FAF2: variants seen among roughly 807,000 people sequenced by gnomAD.
The protein encoded by FAF2 is FAS-associated factor 2.
In FAF2, 9 loss-of-function variants were observed where a neutral mutation model predicts 62.3. That is an observed-to-expected ratio of 0.14 (90% CI 0.09 to 0.25). The LOEUF (loss-of-function observed/expected upper bound fraction) is 0.25. Ranked by LOEUF, FAF2 falls within the 10% of genes least tolerant of loss-of-function variation. FAF2 has a pLI of 1.00. For missense variants in FAF2, 368 were observed against 556.2 expected, an observed-to-expected ratio of 0.66 and a Z score of 3.40; for synonymous variants, 202 against 198.0, an observed-to-expected ratio of 1.02 and a Z score of -0.17.
At chr5:176,493,958 C>A (rs372486684) in intron 5 of FAF2, 41 bp from the exon 6 acceptor site, 3 of 1,381,968 alleles carry the variant, frequency 2.2e-6, no homozygotes, top group African/African-American at 1.4e-5. Flanking sequence ...AAGCTCAAGG[C>A]ACAGTCTTCT....
intron 9 of FAF2, 120 bp from the exon 10 acceptor site, chr5:176,499,883 G>C: frequency 8.6e-7 from 1 of 1,167,890 alleles, no homozygotes; most frequent in Non-Finnish European, 1.2e-6. Flanking sequence ...CTATTCCTGA[G>C]AGGTTTTTCT....
chr5:176,464,337 T>A (rs1421481526), intron 1 of FAF2, among the ~76,000 whole-genome samples: 2 of 152,142 alleles, frequency 1.3e-5, no homozygotes, highest in East Asian at 3.8e-4. Context: ...TATTCGAATA[T>A]TTATACAGTA....
At chr5:176,450,720 A>AT (rs1240838504) in intron 1 of FAF2, among the ~76,000 whole-genome samples, 1 of 151,896 alleles carries the variant, frequency 6.6e-6, no homozygotes, top group Non-Finnish European at 1.5e-5. Flanking sequence ...CATCCAGCGA[A>AT]TTTTTTGTAT....
rs766728205 is a variant in FAF2, at chr5:176,489,017, G to A, written c.334G>A (p.Asp112Asn). 3 of 1,612,334 alleles carry A rather than the reference G, an allele frequency of 1.9e-6. No homozygotes were observed. In the Admixed American group the frequency reaches 5.0e-5, roughly 27 times the overall value. ...CCGGTTTACCTATTACACGATACTT[G>A]ATATATTTAGGTATGTACCTTTGGA... The part of the protein sequence containing the change: ...PFRFTYYTIL[D>N]IFRFALRFIR... Residue 112 changes from aspartate to asparagine, a missense_variant, in exon 4 of 11, where the codon GAT (aspartate) becomes AAT (asparagine). Asp to Asn is a conservative substitution (Grantham distance 23). Around this residue, in one of 2 missense-constraint regions of FAF2, gnomAD observed 331 missense variants for 441.9 expected, o/e 0.75. Coordinates refer to ENST00000261942, the MANE Select transcript of FAF2 (RefSeq NM_014613.3).
chr5:176,486,833 A>C (rs546049279), intron 3 of FAF2, among the ~76,000 whole-genome samples: 36 of 152,306 alleles, frequency 2.4e-4, no homozygotes, highest in African/African-American at 6.0e-4. Flanking sequence ...CACGTCTTTG[A>C]AATTAGCCTT....
At chr5:176,469,072 C>T (rs1454064705) in intron 1 of FAF2, among the ~76,000 whole-genome samples, 1 of 151,912 alleles carries the variant, frequency 6.6e-6, no homozygotes, top group Non-Finnish European at 1.5e-5. Flanking sequence ...TGGTGAAACC[C>T]TGTCGGTACT....
chr5:176,488,850 C>T, intron 3 of FAF2, 101 bp from the exon 4 acceptor site: 5 of 883,262 alleles, frequency 5.7e-6, no homozygotes, highest in Non-Finnish European at 9.3e-6. Context: ...AGGAACAAAT[C>T]ACATGGAAGG....
At position 176,494,116 on chromosome 5, in the gene FAF2, C is replaced by G; in HGVS notation, c.569+32C>G. On this transcript the variant is annotated intron_variant, in intron 6 of 10. Coordinates refer to ENST00000261942, the MANE Select transcript of FAF2 (RefSeq NM_014613.3). The surrounding 1 kb of genome is among the most constrained non-coding windows in gnomAD (Gnocchi z 4.0). ...GGATTGATTATTTTCCTTCTCTTTT[C>G]TGACTCTTTCTGGTGACAGTTTATA... 2 of 1,610,762 alleles carry G rather than the reference C, an allele frequency of 1.2e-6. No homozygotes were observed. The highest frequency in any genetic ancestry group is 1.7e-4 in the Middle Eastern group (1 of 6,054).
In FAF2 at chr5:176,481,965, A is replaced by G. The variant is rs915037835; in HGVS notation, c.132+2709A>G. Among the ~76,000 whole-genome samples the G allele has an allele frequency of 5.3e-5, 8 of 152,088 alleles. No homozygotes were observed. In the East Asian group the frequency reaches 9.6e-4, roughly 18 times the overall value. ...TTTTCAAAGTGGTTATACCATTTTA[A>G]ATTCCCAACAGCGTTGTAGGAAGGT... On this transcript the variant is annotated intron_variant, in intron 2 of 10. Transcript: ENST00000261942.
intron 1 of FAF2, among the ~76,000 whole-genome samples, chr5:176,470,178 G>A (rs1340186889): frequency 6.6e-6 from 1 of 152,206 alleles, no homozygotes; most frequent in Non-Finnish European, 1.5e-5. Context: ...TGGAGTGTGG[G>A]GAACTAGAAG....
At chr5:176,477,666 A>T (rs1758727467) in intron 1 of FAF2, among the ~76,000 whole-genome samples, 1 of 152,274 alleles carries the variant, frequency 6.6e-6, no homozygotes, top group African/African-American at 2.4e-5. Context: ...AATTATAAAA[A>T]ATGAAAACTT....
intron 10 of FAF2, among the ~76,000 whole-genome samples, chr5:176,500,630 GC>G (rs1324692651): frequency 4.6e-5 from 7 of 152,132 alleles, no homozygotes; most frequent in Non-Finnish European, 1.0e-4. Flanking sequence ...CCCAAAGGAA[GC>G]CCCATTTTCT....
intron 1 of FAF2, among the ~76,000 whole-genome samples, chr5:176,461,818 C>G (rs1758384991): frequency 6.6e-6 from 1 of 152,044 alleles, no homozygotes; most frequent in Non-Finnish European, 1.5e-5. Context: ...GTCCCACTTT[C>G]CAATTTTTGT....
chr5:176,468,927 G>A (rs545373617), intron 1 of FAF2, among the ~76,000 whole-genome samples: 1 of 152,158 alleles, frequency 6.6e-6, no homozygotes, highest in Non-Finnish European at 1.5e-5. Flanking sequence ...GTGAGTGACA[G>A]AGAGACCCTG....
chr5:176,483,006 A>G (rs1043040970), intron 2 of FAF2, among the ~76,000 whole-genome samples: 6 of 152,132 alleles, frequency 3.9e-5, no homozygotes, highest in Non-Finnish European at 7.4e-5. Context: ...CTGGGATTAC[A>G]GGTGTGAGCC....
rs759067969 is a variant in FAF2 at position 176,499,089 on chromosome 5, A to G, written c.1011+4A>G. 3 of 1,570,376 alleles carry G rather than the reference A, an allele frequency of 1.9e-6. No individual in the cohort carries two copies. Among genetic ancestry groups the G allele is most frequent in the Middle Eastern group, 1.9e-4 (1 of 5,362 alleles). ...GGCAGAGGAGAGACGGCGGCAGGTA[A>G]TGGACGTGTGGCTTTACTCCCTGTG... is the stretch of plus-strand genomic sequence containing the variant. On this transcript the variant is annotated splice_donor_region_variant and intron_variant, in intron 9 of 10. Transcript: ENST00000261942.
Position 176,506,821 on chromosome 5 carries a change from T to A in FAF2, c.1209T>A (p.Ile403=). Residue 403 remains isoleucine, a synonymous_variant, in exon 11 of 11, where the codon ATT becomes ATA. Coordinates refer to ENST00000261942, the MANE Select transcript of FAF2 (RefSeq NM_014613.3). ...AGGAAAGCCCAGAAAAGTTTCAGATTGAAGCCAATTTTCCCAGGCGAGTGC... is the reference window on the plus strand; with the variant it reads ...AGGAAAGCCCAGAAAAGTTTCAGATAGAAGCCAATTTTCCCAGGCGAGTGC... ...SLKESPEKFQ[I]EANFPRRVLP... The A allele has an allele frequency of 6.2e-7, 1 of 1,614,030 alleles. No homozygotes were observed. Among genetic ancestry groups the A allele is most frequent in the South Asian group, 1.1e-5 (1 of 91,058 alleles).
At chr5:176,449,352 G>A (rs1201652961) in intron 1 of FAF2, among the ~76,000 whole-genome samples, 5 of 152,184 alleles carry the variant, frequency 3.3e-5, no homozygotes, top group Non-Finnish European at 7.4e-5. Flanking sequence ...CAAGGCCAGC[G>A]AATCACGAGG....
intron 1 of FAF2, among the ~76,000 whole-genome samples, chr5:176,464,643 C>T (rs902413578): frequency 1.3e-5 from 2 of 151,916 alleles, no homozygotes; most frequent in African/African-American, 4.8e-5. Context: ...CATGCATGTA[C>T]CACCATGCCC....
Sources: gnomAD v4.1 joint callset for allele counts (sites outside exome capture counted in the v4.1 genomes callset) on GRCh38, gnomAD v4.1.1 for gene constraint, gnomAD v4.1.1 regional missense constraint, Gnocchi (gnomAD v3.1) non-coding constraint, MANE v1.5 for transcripts, NCBI Gene and HGNC (gene_info 2026-07-23, HGNC 2026-07-21) for gene names.